Variants in KLHL6 observed in about 807,000 individuals in gnomAD.
The protein encoded by KLHL6 is kelch like family member 6.
In KLHL6, 41 loss-of-function variants were observed where a neutral mutation model predicts 58.6. That is an observed-to-expected ratio of 0.70 (90% confidence interval 0.55 to 0.91). The LOEUF is 0.91. Among genes scored for constraint, KLHL6 ranks in the 40% least tolerant of loss-of-function variants. The pLI, the probability that KLHL6 is intolerant of heterozygous loss-of-function variation, is 0.00. For synonymous variants in KLHL6, 338 were observed against 322.7 expected, an observed-to-expected ratio of 1.05 and a Z score of -0.51; for missense variants, 714 against 805.6, an observed-to-expected ratio of 0.89 and a Z score of 1.38.
At chr3:183,511,827 C>T (rs1421900947) in intron 2 of KLHL6, among the ~76,000 whole-genome samples, 1 of 152,160 alleles carries the variant, frequency 6.6e-6, no homozygotes. Flanking sequence ...AACAGCATCT[C>T]AGGGCAGAGC....
At chr3:183,534,467 G>A (rs76905270) in intron 1 of KLHL6, among the ~76,000 whole-genome samples, 3,998 of 151,508 alleles carry the variant, frequency 0.026, 178 homozygotes, top group African/African-American at 0.092. Context: ...GCAGCGGCAC[G>A]ACCACAGCTC....
chr3:183,537,197 G>T (rs920352261), intron 1 of KLHL6, among the ~76,000 whole-genome samples: 1 of 152,158 alleles, frequency 6.6e-6, no homozygotes, highest in Non-Finnish European at 1.5e-5. Context: ...GACAAAGCTT[G>T]GTCCCCATGG....
chr3:183,512,496 ATT>A (rs562758148), intron 2 of KLHL6, among the ~76,000 whole-genome samples: 1 of 150,206 alleles, frequency 6.7e-6, no homozygotes, highest in Admixed American at 6.6e-5. Context: ...ACATTATGAT[ATT>A]TTTTTTTTTT....
chr3:183,525,537 T>C (rs765385363), intron 2 of KLHL6, among the ~76,000 whole-genome samples: 189 of 152,234 alleles, frequency 1.2e-3, no homozygotes, highest in Non-Finnish European at 2.3e-3. Flanking sequence ...TTTATCAGCC[T>C]AATTTTACAA....
chr3:183,513,229 A>G (rs1475677480), intron 2 of KLHL6, among the ~76,000 whole-genome samples: 3 of 152,242 alleles, frequency 2.0e-5, no homozygotes, highest in East Asian at 1.9e-4. Flanking sequence ...ACTAACTGTA[A>G]GAGTTACTCA....
intron 2 of KLHL6, among the ~76,000 whole-genome samples, chr3:183,512,152 G>T: frequency 6.6e-6 from 1 of 152,282 alleles, no homozygotes; most frequent in East Asian, 1.9e-4. Flanking sequence ...ACCCTATCTG[G>T]CCCTGTTCAC....
chr3:183,529,608 C>T (rs767921557), intron 1 of KLHL6, among the ~76,000 whole-genome samples: 1 of 151,912 alleles, frequency 6.6e-6, no homozygotes, highest in Non-Finnish European at 1.5e-5. Context: ...AAGGCCAAGG[C>T]GGGTGCATCA....
rs140971016 is a variant in KLHL6, at chr3:183,555,385, A to G, written c.269T>C (p.Leu90Pro). The G allele has an allele frequency of 1.2e-6, 2 of 1,614,160 alleles. No individual in the cohort carries two copies. Among genetic ancestry groups the G allele is most frequent in the South Asian group, 1.1e-5 (1 of 91,074 alleles). The change falls in exon 1 of 7, where the codon CTT becomes CCT. Residue 90 changes from leucine to proline, a missense_variant. Physicochemically the swap from Leu to Pro is moderately conservative, Grantham distance 98 (BLOSUM62 -3). Around this residue, in one of 2 missense-constraint regions of KLHL6, gnomAD observed 204 missense variants for 175.9 expected, o/e 1.16. Transcript: ENST00000341319. ...CCTGAAATAGTTGCTGGCTGCGGCAAGCACCACGCGGTGGCAGGAGAATTC... is the reference window on the plus strand; with the variant it reads ...CCTGAAATAGTTGCTGGCTGCGGCAGGCACCACGCGGTGGCAGGAGAATTC... ...IQEFSCHRVV[L>P]AAASNYFRAM...
chr3:183,532,035 A>G (rs1367798651), intron 1 of KLHL6, among the ~76,000 whole-genome samples: 2 of 152,244 alleles, frequency 1.3e-5, no homozygotes, highest in Non-Finnish European at 2.9e-5. Context: ...GGGGCCAAGT[A>G]TGGAATGTCA....
In KLHL6 at chr3:183,550,962, T is replaced by TA. The variant is rs201833169; in HGVS notation, c.293+4398dup. Among the ~76,000 whole-genome samples, 50 of 149,690 alleles carry TA rather than the reference T, an allele frequency of 3.3e-4. 1 individual carries two copies. In the South Asian group the frequency reaches 8.7e-3, roughly 26 times the overall value. On this transcript the variant is annotated intron_variant, in intron 1 of 6. Transcript: ENST00000341319. ...GGTGAAATCCTGTCTGTACTAAAAA[T>TA]AAAAAAAAATTAGCTGGGCGTGGTG...
In KLHL6 at chr3:183,492,928, T is replaced by G. The variant is rs1717614453; in HGVS notation, c.1351-221A>C. Reference sequence around the variant, plus strand: ...TCCACGCAAGCTAGAGCAAGCTGTGTGTTGGGATGTGCCAGCCTCTCCCGG... The same window carrying G: ...TCCACGCAAGCTAGAGCAAGCTGTGGGTTGGGATGTGCCAGCCTCTCCCGG... On this transcript the variant is annotated intron_variant, in intron 5 of 6. Transcript: ENST00000341319. This position sits in a 1 kb window ranked among gnomAD's most constrained non-coding sequence, Gnocchi z 5.9. 1 of 538,322 alleles carries G rather than the reference T, an allele frequency of 1.9e-6. No homozygotes were observed. Among genetic ancestry groups the G allele is most frequent in the Non-Finnish European group, 3.4e-6 (1 of 297,036 alleles). The allele number at this position is 538,322 out of a possible 1,614,324, so 33.3% of individuals were successfully genotyped here.
Position 183,514,661 on chromosome 3 carries a change from AAATTT to A in KLHL6, c.460-6158_460-6154del, listed in dbSNP as rs1414431142. ...ACAGGGCTGTTTTCTTTCTTTTTTT[AAATTT>A]AATTTAATTTTTTTTTTTTGAGATG... is the stretch of plus-strand genomic sequence containing the variant. On this transcript the variant is annotated intron_variant, in intron 2 of 6. Coordinates refer to ENST00000341319, the MANE Select transcript of KLHL6 (RefSeq NM_130446.4). Among the ~76,000 whole-genome samples, 5 of 151,692 alleles carry A rather than the reference AAATTT, an allele frequency of 3.3e-5. No individual in the cohort carries two copies. In the East Asian group the frequency reaches 7.7e-4, roughly 23 times the overall value.
intron 1 of KLHL6, among the ~76,000 whole-genome samples, chr3:183,534,797 G>A (rs573027788): frequency 7.2e-5 from 11 of 151,856 alleles, no homozygotes; most frequent in Middle Eastern, 3.4e-3. Context: ...ATTTCAACAC[G>A]TAAGAAATAT....
chr3:183,506,645 T>C (rs1718015789), intron 3 of KLHL6, among the ~76,000 whole-genome samples: 2 of 151,734 alleles, frequency 1.3e-5, no homozygotes, highest in African/African-American at 4.8e-5. Flanking sequence ...CTGGGCAACA[T>C]AGTGAGACCT....
rs757528310 is a variant in KLHL6 at position 183,555,539 on chromosome 3, C to A, written c.115G>T (p.Val39Phe). The A allele has an allele frequency of 3.7e-6, 6 of 1,614,158 alleles. No individual in the cohort carries two copies. Among genetic ancestry groups the A allele is most frequent in the Non-Finnish European group, 4.2e-6 (5 of 1,180,020 alleles). The stretch of plus-strand genomic sequence containing the variant: ...ACCTTTTCCCCATTTAAGATCTCGA[C>A]CAAGTCTCCTGTTTTCTGGGAGGGC... ...DEPSQKTGDL[V>F]EILNGEKVKF... The change falls in exon 1 of 7, where the codon GTC (valine) becomes TTC (phenylalanine). Residue 39 changes from valine (V) to phenylalanine (F), a missense_variant. Val to Phe is a conservative substitution (Grantham distance 50, BLOSUM62 -1). Around this residue, in one of 2 missense-constraint regions of KLHL6, gnomAD observed 204 missense variants for 175.9 expected, o/e 1.16. Transcript: ENST00000341319.
intron 1 of KLHL6, among the ~76,000 whole-genome samples, chr3:183,533,151 G>A (rs1024801150): frequency 6.6e-6 from 1 of 152,052 alleles, no homozygotes; most frequent in African/African-American, 2.4e-5. Context: ...AATTCCAAAC[G>A]CTCGGACTTC....
At chr3:183,543,692 C>A (rs1712626293) in intron 1 of KLHL6, among the ~76,000 whole-genome samples, 1 of 152,188 alleles carries the variant, frequency 6.6e-6, no homozygotes, top group African/African-American at 2.4e-5. Context: ...CTCCATAAAC[C>A]TGAGCTTACT....
At position 183,506,640 on chromosome 3, in the gene KLHL6, C is replaced by T. The variant is rs576392735; in HGVS notation, c.909+1419G>A. Reference sequence around the variant, plus strand: ...CTCAGGAGTTCAAGACCAGCCTGGGCAACATAGTGAGACCTTGTCTCTACA... The same window carrying T: ...CTCAGGAGTTCAAGACCAGCCTGGGTAACATAGTGAGACCTTGTCTCTACA... On this transcript the variant is annotated intron_variant, in intron 3 of 6. Transcript: ENST00000341319. Among the ~76,000 whole-genome samples the T allele has an allele frequency of 5.3e-5, 8 of 152,044 alleles. 1 individual carries two copies. In the East Asian group the frequency reaches 1.4e-3, roughly 26 times the overall value.
rs1458193397 is a variant in KLHL6, at chr3:183,499,976, G to A, written c.910-149C>T. On this transcript the variant is annotated intron_variant, in intron 3 of 6. Coordinates refer to ENST00000341319, the MANE Select transcript of KLHL6 (RefSeq NM_130446.4). The surrounding 1 kb of genome is among the most constrained non-coding windows in gnomAD (Gnocchi z 4.6). ...TCCCTGAGCCTCAGTTTCATCATCT[G>A]TATAATCGGGATAGCAGAGGTAACT... 1 of 586,196 alleles carries A rather than the reference G, an allele frequency of 1.7e-6. No individual in the cohort carries two copies. The highest frequency in any genetic ancestry group is 3.0e-6 in the Non-Finnish European group (1 of 338,608). The allele number at this position is 586,196 out of a possible 1,614,324, so 36.3% of individuals were successfully genotyped here.
Sources: gnomAD v4.1 joint callset for allele counts (sites outside exome capture counted in the v4.1 genomes callset) on GRCh38, gnomAD v4.1.1 for gene constraint, gnomAD v4.1.1 regional missense constraint, Gnocchi (gnomAD v3.1) non-coding constraint, MANE v1.5 for transcripts, NCBI Gene and HGNC (gene_info 2026-07-23, HGNC 2026-07-21) for gene names.